CSMD1: variants seen among roughly 807,000 people sequenced by gnomAD.
CSMD1 encodes CUB and sushi domain-containing protein 1.
A neutral mutation model predicts 417.5 loss-of-function variants in CSMD1; 213 were observed. That is an observed-to-expected ratio of 0.51 (90% CI 0.46 to 0.57). The LOEUF (loss-of-function observed/expected upper bound fraction) is 0.57, where lower values mean the gene tolerates loss of function less well. Among genes scored for constraint, CSMD1 ranks in the 20% least tolerant of loss-of-function variants. The pLI, the probability that CSMD1 is intolerant of heterozygous loss-of-function variation, is 0.00. For missense variants in CSMD1, 6,923 were observed against 4,529.7 expected (o/e 1.53, Z -15.17); for synonymous variants, 2,862 against 1,736.8 (o/e 1.65, Z -16.11).
chr8:4,512,637 A>G (rs534344097), intron 2 of CSMD1, among the ~76,000 whole-genome samples: 1 of 152,294 alleles, frequency 6.6e-6, no homozygotes, highest in African/African-American at 2.4e-5. Context: ...GCTTTTTTAT[A>G]TACCGGCAAT....
At chr8:3,094,989 T>C (rs1457805512) in intron 47 of CSMD1, among the ~76,000 whole-genome samples, 2 of 152,202 alleles carry the variant, frequency 1.3e-5, no homozygotes, top group African/African-American at 4.8e-5. Context: ...GCAAGTATTA[T>C]GCTATTGTCT....
rs767002670 is a variant in CSMD1 at position 4,424,555 on chromosome 8, G to T, written c.303-4490C>A. Among the ~76,000 whole-genome samples the T allele has an allele frequency of 2.6e-5, 4 of 152,152 alleles. No individual in the cohort carries two copies. In the East Asian group the frequency reaches 7.7e-4, roughly 29 times the overall value. On this transcript the variant is annotated intron_variant, in intron 2 of 69. Transcript: ENST00000635120. ...AAAATAAATAATGACAACATCACAT[G>T]CTGGCTAGAACGTGGAGAAAATTGG...
intron 26 of CSMD1, among the ~76,000 whole-genome samples, chr8:3,242,296 A>G (rs34309046): frequency 0.76 from 113,541 of 148,432 alleles, 44,168 homozygotes; most frequent in Non-Finnish European, 0.85. Flanking sequence ...CTGGGGAGGA[A>G]GGGAGAGGTC....
intron 3 of CSMD1, among the ~76,000 whole-genome samples, chr8:4,388,731 C>G (rs1487830521): frequency 6.6e-6 from 1 of 152,112 alleles, no homozygotes; most frequent in African/African-American, 2.4e-5. Context: ...CTTGTTTATA[C>G]TTGGCAGAAA....
intron 1 of CSMD1, among the ~76,000 whole-genome samples, chr8:4,782,861 A>C (rs1237601906): frequency 3.3e-5 from 5 of 152,158 alleles, no homozygotes. Context: ...TTTTTCAATA[A>C]ATGCTAAAAG....
At chr8:3,172,771 G>C (rs1820662407) in intron 37 of CSMD1, among the ~76,000 whole-genome samples, 1 of 152,188 alleles carries the variant, frequency 6.6e-6, no homozygotes, top group Admixed American at 6.5e-5. Context: ...TCTCCCATGA[G>C]GCACAAGGGC....
chr8:3,224,394 G>T (rs1341776271), intron 27 of CSMD1, among the ~76,000 whole-genome samples: 1 of 152,202 alleles, frequency 6.6e-6, no homozygotes, highest in East Asian at 1.9e-4. Context: ...CGTCTAGGCG[G>T]TTTCTGGATC....
intron 1 of CSMD1, among the ~76,000 whole-genome samples, chr8:4,749,133 T>A (rs971109353): frequency 2.0e-5 from 3 of 152,260 alleles, no homozygotes; most frequent in African/African-American, 7.2e-5. Context: ...CCACATCTAA[T>A]ATTGTCATGA....
chr8:4,590,789 T>C (rs1799946325), intron 2 of CSMD1, among the ~76,000 whole-genome samples: 1 of 152,140 alleles, frequency 6.6e-6, no homozygotes, highest in Non-Finnish European at 1.5e-5. Context: ...ATTTTGGAAA[T>C]TTTTTTCCTA....
rs561721690 is a variant in CSMD1, at chr8:3,955,477, A to G, written c.818+42426T>C. On this transcript the variant is annotated intron_variant, in intron 5 of 69. Coordinates refer to ENST00000635120, the MANE Select transcript of CSMD1 (RefSeq NM_033225.6). ...AGAAATAAAGTAGAATTTTGTACTG[A>G]TATGTCATTCTCTCTACTCATGTTT... Among the ~76,000 whole-genome samples, 7 of 152,304 alleles carry G rather than the reference A, an allele frequency of 4.6e-5. No individual in the cohort carries two copies. In the South Asian group the frequency reaches 1.2e-3, roughly 27 times the overall value.
At chr8:3,809,984 A>T (rs977188901) in intron 5 of CSMD1, among the ~76,000 whole-genome samples, 4 of 152,208 alleles carry the variant, frequency 2.6e-5, no homozygotes, top group African/African-American at 9.7e-5. Context: ...CTGCAGGCCA[A>T]AATAGACACC....
Position 3,290,418 on chromosome 8 carries a change from G to A in CSMD1, c.3951-6072C>T, listed in dbSNP as rs374651152. ...ATTGAATCTATAAGTTACCTTGGGC[G>A]GTATGGCCATTTTCACAATATTGAT... On this transcript the variant is annotated intron_variant, in intron 25 of 69. Coordinates refer to ENST00000635120, the MANE Select transcript of CSMD1 (RefSeq NM_033225.6). Among the ~76,000 whole-genome samples, 743 of 145,344 alleles carry A rather than the reference G, an allele frequency of 5.1e-3. 53 individuals carry two copies. The highest frequency in any genetic ancestry group is 9.1e-3 in the African/African-American group (329 of 35,974).
At chr8:3,666,049 C>T (rs966573463) in intron 7 of CSMD1, among the ~76,000 whole-genome samples, 3 of 152,126 alleles carry the variant, frequency 2.0e-5, no homozygotes, top group African/African-American at 7.2e-5. Flanking sequence ...GTGCCCAACA[C>T]CACACCTGGC....
At chr8:3,752,488 C>T (rs1247283207) in intron 6 of CSMD1, among the ~76,000 whole-genome samples, 1 of 151,880 alleles carries the variant, frequency 6.6e-6, no homozygotes, top group Admixed American at 6.6e-5. Flanking sequence ...AACCCCATCT[C>T]TACTAAAAAT....
intron 2 of CSMD1, among the ~76,000 whole-genome samples, chr8:4,631,469 A>T (rs1802510049): frequency 6.6e-6 from 1 of 151,224 alleles, no homozygotes; most frequent in East Asian, 1.9e-4. Context: ...AACTATGGAG[A>T]CAGAAAAGCA....
Position 4,783,255 on chromosome 8 carries a change from C to G in CSMD1, c.86-145697G>C, listed in dbSNP as rs77122156. Among the ~76,000 whole-genome samples the G allele has an allele frequency of 3.0e-3, 462 of 152,254 alleles. 1 individual carries two copies. Among genetic ancestry groups the G allele is most frequent in the African/African-American group, 0.011 (450 of 41,536 alleles). On this transcript the variant is annotated intron_variant, in intron 1 of 69. Coordinates refer to ENST00000635120, the MANE Select transcript of CSMD1 (RefSeq NM_033225.6). ...CATATCATGATGTCCACTGTCAGAA[C>G]AGGAAATCAAGATGGTGAATAATAC... is the stretch of plus-strand genomic sequence containing the variant.
At chr8:3,304,962 C>G (rs1032448117) in intron 25 of CSMD1, among the ~76,000 whole-genome samples, 1 of 152,150 alleles carries the variant, frequency 6.6e-6, no homozygotes, top group Non-Finnish European at 1.5e-5. Context: ...TACAACTTTT[C>G]AAAATCAAAG....
In CSMD1 at chr8:3,478,672, G is replaced by C. The variant is rs559337203; in HGVS notation, c.1449-9848C>G. 1.4e-3 allele frequency among the ~76,000 whole-genome samples: 216 copies of C among 152,228 alleles called. 1 individual carries two copies. Among genetic ancestry groups the C allele is most frequent in the African/African-American group, 4.8e-3 (198 of 41,558 alleles). On this transcript the variant is annotated intron_variant, in intron 11 of 69. Coordinates refer to ENST00000635120, the MANE Select transcript of CSMD1 (RefSeq NM_033225.6). ...CCCCAGCAAGCCCGTTCCTTCTCCA[G>C]ATGCAACTGTGACCCGTCTGACTAC...
At chr8:3,182,630 G>C (rs1190638462) in intron 36 of CSMD1, among the ~76,000 whole-genome samples, 12 of 43,148 alleles carry the variant, frequency 2.8e-4, no homozygotes, top group African/African-American at 7.8e-4. Flanking sequence ...GTGTGTGTGT[G>C]TGTATTGTTA....
Sources: allele counts gnomAD v4.1 joint callset (sites outside exome capture counted in the v4.1 genomes callset), GRCh38; gene constraint gnomAD v4.1.1; transcripts MANE v1.5; gene names NCBI Gene and HGNC (gene_info 2026-07-23, HGNC 2026-07-21).